The following CLASP2 variants were observed in gnomAD, a reference collection of about 807,000 sequenced individuals.
The protein encoded by CLASP2 is CLIP-associating protein 2.
Under a neutral mutation model 194.4 loss-of-function variants are expected in CLASP2, and 47 were observed. The observed-to-expected ratio is 0.24, with a 90% CI of 0.19 to 0.31. CLASP2 has a LOEUF of 0.31. CLASP2 is among the 10% of genes least tolerant of loss of function. The pLI is 1.00. For synonymous variants in CLASP2, 619 were observed against 633.5 expected (o/e 0.98, Z 0.34); for missense variants, 1,445 against 1,823.6 (o/e 0.79, Z 3.78).
chr3:33,522,204 TTC>T (rs1398299007), intron 34 of CLASP2, among the ~76,000 whole-genome samples: 2 of 152,188 alleles, frequency 1.3e-5, no homozygotes, highest in Non-Finnish European at 2.9e-5. Flanking sequence ...TTTTTCATTT[TTC>T]TCTTTTTCCT....
chr3:33,576,073 T>C, intron 24 of CLASP2, 96 bp downstream of exon 24: 1 of 850,142 alleles, frequency 1.2e-6, no homozygotes, highest in Non-Finnish European at 1.9e-6. Context: ...TCACTGATTT[T>C]TCCCCAACCC....
chr3:33,676,394 C>T lies in CLASP2; in HGVS notation c.644+7965G>A, dbSNP rs79895015. Among the ~76,000 whole-genome samples, 2 of 144,634 alleles carry T rather than the reference C, an allele frequency of 1.4e-5. 1 individual carries two copies. Among genetic ancestry groups the T allele is most frequent in the Non-Finnish European group, 3.0e-5 (2 of 65,880 alleles). The allele number at this position is 144,634 out of a possible 152,430, so 94.9% of individuals were successfully genotyped here. On this transcript the variant is annotated intron_variant, in intron 6 of 38. Transcript: ENST00000682230. ...TGGCTAGCAGACGCCTCAGAAATAA[C>T]GCCGCATATCTACAACTATCTGATC...
chr3:33,701,424 T>C (rs1164038740), intron 1 of CLASP2, among the ~76,000 whole-genome samples: 2 of 152,214 alleles, frequency 1.3e-5, no homozygotes, highest in Non-Finnish European at 2.9e-5. Context: ...AGCGAGAACC[T>C]GTCTCTACAA....
At chr3:33,629,372 C>T (rs969281146) in intron 9 of CLASP2, among the ~76,000 whole-genome samples, 3 of 152,074 alleles carry the variant, frequency 2.0e-5, no homozygotes, top group Non-Finnish European at 2.9e-5. Context: ...GGTGCTGGCC[C>T]TTGAAGAAGG....
intron 29 of CLASP2, among the ~76,000 whole-genome samples, chr3:33,553,836 C>A (rs931670994): frequency 1.3e-4 from 20 of 152,182 alleles, no homozygotes; most frequent in Admixed American, 2.6e-4. Context: ...TATGATCCAG[C>A]ATTCCACTAG....
chr3:33,605,944 G>A (rs2073731633), intron 16 of CLASP2, among the ~76,000 whole-genome samples: 1 of 152,054 alleles, frequency 6.6e-6, no homozygotes, highest in African/African-American at 2.4e-5. Context: ...TCTTCCCTGG[G>A]GGAAATCTGC....
intron 18 of CLASP2, 138 bp downstream of exon 18, chr3:33,602,814 G>T: frequency 2.2e-6 from 2 of 913,032 alleles, no homozygotes; most frequent in Non-Finnish European, 3.5e-6. Flanking sequence ...AAGTGTGTCC[G>T]CAATATAGAA....
intron 22 of CLASP2, 23 bp downstream of exon 22, chr3:33,584,727 T>TAAAAA (rs371484858): frequency 1.6e-6 from 2 of 1,255,342 alleles, no homozygotes; most frequent in Non-Finnish European, 2.1e-6. Flanking sequence ...ATGTCTCACA[T>TAAAAA]AAAAAAAAAA....
chr3:33,562,666 A>C (rs79418128), intron 27 of CLASP2, among the ~76,000 whole-genome samples: 2,235 of 152,224 alleles, frequency 0.015, 43 homozygotes, highest in Admixed American at 0.053. Context: ...TCTTTGGTTC[A>C]CTTTCACCCT....
At chr3:33,686,168 A>G (rs1418093593) in intron 5 of CLASP2, among the ~76,000 whole-genome samples, 2 of 152,182 alleles carry the variant, frequency 1.3e-5, no homozygotes, top group African/African-American at 2.4e-5. Context: ...AAAAGAAGGG[A>G]AAATCTTTCC....
At chr3:33,679,525 T>C (rs1391216706) in intron 6 of CLASP2, among the ~76,000 whole-genome samples, 1 of 152,034 alleles carries the variant, frequency 6.6e-6, no homozygotes, top group African/African-American at 2.4e-5. Flanking sequence ...AAAAGAACTC[T>C]TAAAACTCAA....
intron 24 of CLASP2, among the ~76,000 whole-genome samples, chr3:33,575,880 T>C (rs1353165027): frequency 4.6e-5 from 7 of 152,212 alleles, no homozygotes; most frequent in African/African-American, 1.7e-4. Context: ...CATATTTATA[T>C]AGTTTATCTC....
chr3:33,644,496 T>C (rs1276956552), intron 8 of CLASP2: 4 of 416,948 alleles, frequency 9.6e-6, no homozygotes, highest in African/African-American at 6.2e-5. Flanking sequence ...AAAACTTCCA[T>C]AAATCTTTTT....
At chr3:33,706,695 C>T (rs1308152295) in intron 1 of CLASP2, among the ~76,000 whole-genome samples, 1 of 152,128 alleles carries the variant, frequency 6.6e-6, no homozygotes, top group Non-Finnish European at 1.5e-5. Context: ...GGTGTAGTGG[C>T]TCATGCCTGT....
At chr3:33,588,843 G>A in intron 21 of CLASP2, 1 of 633,884 alleles carries the variant, frequency 1.6e-6, no homozygotes, top group Non-Finnish European at 2.8e-6. Context: ...TCAGTTCTCA[G>A]AAAATTAAAA....
chr3:33,617,321 T>C (rs1431939663), intron 12 of CLASP2, among the ~76,000 whole-genome samples: 1 of 152,076 alleles, frequency 6.6e-6, no homozygotes, highest in African/African-American at 2.4e-5. Context: ...TGAAAATTTA[T>C]TACATGAAAA....
intron 6 of CLASP2, among the ~76,000 whole-genome samples, chr3:33,666,249 A>G (rs1331752414): frequency 6.6e-6 from 1 of 152,180 alleles, no homozygotes; most frequent in Non-Finnish European, 1.5e-5. Flanking sequence ...ACTGTACAAT[A>G]TAACGATTTT....
intron 9 of CLASP2, among the ~76,000 whole-genome samples, chr3:33,629,839 T>C (rs771814971): frequency 5.3e-5 from 8 of 150,574 alleles, no homozygotes; most frequent in Non-Finnish European, 1.0e-4. Flanking sequence ...GTATAATATG[T>C]ACAGTCCTAC....
chr3:33,557,446 C>T (rs1250394884), intron 29 of CLASP2, among the ~76,000 whole-genome samples: 1 of 152,088 alleles, frequency 6.6e-6, no homozygotes, highest in Non-Finnish European at 1.5e-5. Context: ...GTGATTAGAG[C>T]TCACTGTAAC....
Sources: gnomAD v4.1 joint callset for allele counts (sites outside exome capture counted in the v4.1 genomes callset) on GRCh38, gnomAD v4.1.1 for gene constraint, MANE v1.5 for transcripts, NCBI Gene and HGNC (gene_info 2026-07-23, HGNC 2026-07-21) for gene names.